Variants in RBM39 observed in about 807,000 individuals in gnomAD.
RBM39 encodes RNA-binding protein 39.
In RBM39, 12 loss-of-function variants were observed where a neutral mutation model predicts 79.6. The ratio of observed to expected loss-of-function variants is 0.15; its 90% confidence interval spans 0.10 to 0.24. RBM39 has a LOEUF of 0.24. Ranked by LOEUF, RBM39 falls within the 10% of genes least tolerant of loss-of-function variation. The pLI, the probability that RBM39 is intolerant of heterozygous loss-of-function variation, is 1.00. For synonymous variants in RBM39, 185 were observed against 208.4 expected (o/e 0.89, Z 0.97); for missense variants, 243 against 653.4 (o/e 0.37, Z 6.85).
intron 3 of RBM39, among the ~76,000 whole-genome samples, chr20:35,737,845 T>A (rs1348980640): frequency 4.9e-4 from 31 of 62,938 alleles, no homozygotes; most frequent in East Asian, 9.0e-4. Flanking sequence ...CAAGACTCCG[T>A]GTCAAAAAAA....
intron 8 of RBM39, among the ~76,000 whole-genome samples, chr20:35,722,460 T>C (rs2038093116): frequency 2.9e-5 from 4 of 135,962 alleles, no homozygotes; most frequent in African/African-American, 1.2e-4. Flanking sequence ...TTTAGAGGCT[T>C]TTTTTTTTTT....
chr20:35,735,079 A>T, intron 3 of RBM39: 14 of 1,557,900 alleles, frequency 9.0e-6, no homozygotes, highest in Non-Finnish European at 1.2e-5. Flanking sequence ...AATGCAAAGT[A>T]TTCTGGAAAA....
At chr20:35,717,420 GA>G in intron 9 of RBM39, among the ~76,000 whole-genome samples, 1 of 151,966 alleles carries the variant, frequency 6.6e-6, no homozygotes, top group Middle Eastern at 3.4e-3. Flanking sequence ...CTAAACCACT[GA>G]AAACCAGAAA....
At chr20:35,737,514 C>T (rs1346770755) in intron 3 of RBM39, among the ~76,000 whole-genome samples, 3 of 149,980 alleles carry the variant, frequency 2.0e-5, no homozygotes, top group Non-Finnish European at 3.0e-5. Context: ...GAGCTGAGAT[C>T]GTGTCATGGC....
At chr20:35,734,301 G>A (rs111648388) in intron 3 of RBM39, 4 of 1,114,998 alleles carry the variant, frequency 3.6e-6, no homozygotes, top group Non-Finnish European at 2.4e-6. Flanking sequence ...AAATGTATAT[G>A]CTAGGTAGCA....
intron 3 of RBM39, among the ~76,000 whole-genome samples, chr20:35,736,055 AGT>A (rs1306853992): frequency 1.3e-5 from 2 of 152,230 alleles, no homozygotes; most frequent in South Asian, 2.1e-4. Context: ...TGTACCCAAA[AGT>A]GTACGTTCTT....
chr20:35,729,504 G>T lies in RBM39; in HGVS notation c.320C>A (p.Ala107Asp), dbSNP rs1265755805. The change falls in exon 5 of 17, where the codon GCC (alanine) becomes GAC (aspartate). Residue 107 changes from alanine (A) to aspartate (D), a missense_variant. By Grantham distance (126) the Ala-to-Asp change is moderately radical. Transcript: ENST00000253363. The stretch of plus-strand genomic sequence containing the variant: ...AGGCAACCCAATCTTTCCTCGGATG[G>T]CACTGTTAAATTTTGGTCCGGAGCT... ...SPYSGPKFNSAIRGKIGLPHS... is the reference protein window; with the variant it reads ...SPYSGPKFNSDIRGKIGLPHS... The T allele has an allele frequency of 1.2e-6, 2 of 1,613,808 alleles. No homozygotes were observed. The highest frequency in any genetic ancestry group is 1.3e-5 in the African/African-American group (1 of 74,912).
At chr20:35,707,224 T>G (rs2035853432) in intron 13 of RBM39, 23 bp from the exon 14 acceptor site, 9 of 1,562,756 alleles carry the variant, frequency 5.8e-6, no homozygotes, top group Non-Finnish European at 7.0e-6. Flanking sequence ...AGAGAAAAAT[T>G]AGTTTCATGG....
intron 11 of RBM39, 103 bp from the exon 12 acceptor site, chr20:35,713,199 G>T: frequency 1.0e-6 from 1 of 986,486 alleles, no homozygotes. Flanking sequence ...AAATTGCAAG[G>T]AGGGCCGAGT....
chr20:35,714,552 G>A (rs2036862161), intron 10 of RBM39, among the ~76,000 whole-genome samples, 163 bp from the exon 11 acceptor site: 3 of 146,496 alleles, frequency 2.0e-5, no homozygotes, highest in South Asian at 4.1e-4. Context: ...ACATGATGAC[G>A]ACGCTAGCTA....
At chr20:35,709,329 G>A (rs953242083) in intron 12 of RBM39, 55 bp from the exon 13 acceptor site, 1 of 1,435,962 alleles carries the variant, frequency 7.0e-7, no homozygotes, top group Admixed American at 2.1e-5. Flanking sequence ...TAAATGTCAG[G>A]AAAGCATTAA....
At chr20:35,715,798 C>T (rs936821797) in intron 10 of RBM39, among the ~76,000 whole-genome samples, 1 of 152,126 alleles carries the variant, frequency 6.6e-6, no homozygotes, top group Non-Finnish European at 1.5e-5. Flanking sequence ...CAAGGCAGAT[C>T]CCTCATGAAT....
intron 13 of RBM39, chr20:35,707,840 A>C (rs2035931804): frequency 8.8e-6 from 4 of 455,958 alleles, no homozygotes; most frequent in South Asian, 4.8e-5. Context: ...CTACCAAAAC[A>C]TACTGGGGTT....
In RBM39 at chr20:35,702,316, CTGAT is replaced by C. The variant is rs1237179023; in HGVS notation, c.*2161_*2164del. On this transcript the variant is annotated 3_prime_UTR_variant, in exon 17 of 17. Transcript: ENST00000253363. ...AACCAGTGGGATGCTGACTCAGGAA[CTGAT>C]TGGACATAAACAGTTTCACTCAGAA... is the stretch of plus-strand genomic sequence containing the variant. 5.9e-5 allele frequency: 9 copies of C among 152,240 alleles called. No individual in the cohort carries two copies. The highest frequency in any genetic ancestry group is 1.3e-4 in the Non-Finnish European group (9 of 68,056). 9.4% of individuals were successfully genotyped at this position (152,240 alleles called of 1,614,324 possible).
rs369138358 is a variant in RBM39 at position 35,712,257 on chromosome 20, T to G, written c.1174+762A>C. ...GCCAAGGTGGGCAGATCACTTGAGGTAAGGTGTTTAAGACTAGCCTGGCCA... is the reference window on the plus strand; with the variant it reads ...GCCAAGGTGGGCAGATCACTTGAGGGAAGGTGTTTAAGACTAGCCTGGCCA... On this transcript the variant is annotated intron_variant, in intron 12 of 16. Transcript: ENST00000253363. Among the ~76,000 whole-genome samples, 13 of 151,182 alleles carry G rather than the reference T, an allele frequency of 8.6e-5. No homozygotes were observed. In the East Asian group the frequency reaches 1.9e-3, roughly 23 times the overall value.
intron 4 of RBM39, among the ~76,000 whole-genome samples, chr20:35,730,288 G>C (rs1025449684): frequency 1.3e-5 from 2 of 152,098 alleles, no homozygotes; most frequent in Admixed American, 6.5e-5. Context: ...TTAAAGACCA[G>C]GCTAACTTAA....
At chr20:35,721,969 AGAGTGATAAAAAT>A in intron 8 of RBM39, 92 bp from the exon 9 acceptor site, 1 of 1,431,952 alleles carries the variant, frequency 7.0e-7, no homozygotes, top group Admixed American at 1.9e-5. Context: ...GTTAAAGTTT[AGAGTGATAAAAAT>A]ACTACCCTAC....
chr20:35,738,872 G>A (rs960966349), intron 3 of RBM39, 96 bp downstream of exon 3: 19 of 1,079,340 alleles, frequency 1.8e-5, no homozygotes, highest in Admixed American at 5.0e-5. Context: ...AGCTTCAGAA[G>A]AGAATTTTGT....
Position 35,739,234 on chromosome 20 carries a change from A to T in RBM39, c.52-217T>A, listed in dbSNP as rs968597867. 3 of 580,188 alleles carry T rather than the reference A, an allele frequency of 5.2e-6. No homozygotes were observed. In the African/African-American group the frequency reaches 5.7e-5, roughly 11 times the overall value. 35.9% of individuals were successfully genotyped at this position (580,188 alleles called of 1,614,324 possible). Reference sequence around the variant, plus strand: ...GTCATCAAGATACAAAAATAAAAAAATTTTCCATATTAACATGTTAAATTT... The same window carrying T: ...GTCATCAAGATACAAAAATAAAAAATTTTTCCATATTAACATGTTAAATTT... On this transcript the variant is annotated intron_variant, in intron 2 of 16. Transcript: ENST00000253363.
Sources: gnomAD v4.1 joint callset for allele counts (sites outside exome capture counted in the v4.1 genomes callset) on GRCh38, gnomAD v4.1.1 for gene constraint, MANE v1.5 for transcripts, NCBI Gene and HGNC (gene_info 2026-07-23, HGNC 2026-07-21) for gene names.